Variants in ASTN2 observed in about 807,000 individuals in gnomAD.
The protein encoded by ASTN2 is astrotactin-2.
In ASTN2, 54 loss-of-function variants were observed where a neutral mutation model predicts 139.8. The observed-to-expected ratio is 0.39, with a 90% CI of 0.31 to 0.48. The LOEUF is 0.48. ASTN2 is among the 20% of genes least tolerant of loss of function. ASTN2 has a pLI of 0.95. For missense variants in ASTN2, 1,565 were observed against 1,725.1 expected (o/e 0.91, Z 1.64); for synonymous variants, 756 against 719.5 (o/e 1.05, Z -0.81).
intron 16 of ASTN2, among the ~76,000 whole-genome samples, chr9:116,665,038 CCT>C (rs1047738334): frequency 5.3e-5 from 8 of 152,040 alleles, no homozygotes; most frequent in African/African-American, 9.7e-5. Context: ...GACCTCCCTC[CCT>C]CTCTCTTTCT....
intron 19 of ASTN2, among the ~76,000 whole-genome samples, chr9:116,521,134 C>CACAGA (rs80018689): frequency 0.17 from 25,340 of 151,914 alleles, 2,331 homozygotes; most frequent in African/African-American, 0.24. Flanking sequence ...CACCATTCTT[C>CACAGA]ACAGAACTAG....
chr9:117,005,981 G>T (rs1346011381), intron 7 of ASTN2, among the ~76,000 whole-genome samples: 3 of 152,142 alleles, frequency 2.0e-5, no homozygotes, highest in Non-Finnish European at 4.4e-5. Context: ...CAGACTGATG[G>T]TCAGGCAGGC....
At chr9:116,986,542 A>G (rs967530506) in intron 7 of ASTN2, among the ~76,000 whole-genome samples, 1 of 152,192 alleles carries the variant, frequency 6.6e-6, no homozygotes, top group Admixed American at 6.5e-5. Context: ...ATGGGGGCTC[A>G]CCAGTGAAAA....
intron 19 of ASTN2, among the ~76,000 whole-genome samples, chr9:116,512,262 C>T (rs1727759271): frequency 6.6e-6 from 1 of 152,104 alleles, no homozygotes; most frequent in African/African-American, 2.4e-5. Context: ...GTTATGTACC[C>T]AGTAGTCAGT....
chr9:116,595,712 A>G (rs1854543553), intron 19 of ASTN2, among the ~76,000 whole-genome samples: 2 of 152,152 alleles, frequency 1.3e-5, no homozygotes, highest in African/African-American at 4.8e-5. Flanking sequence ...ACATATGACA[A>G]TAGCATAATT....
intron 16 of ASTN2, chr9:116,697,948 G>T (rs11556350): frequency 6.2e-7 from 1 of 1,614,156 alleles, no homozygotes; most frequent in Non-Finnish European, 8.5e-7. Flanking sequence ...AAGATTACCC[G>T]CATAACCAGC....
intron 19 of ASTN2, among the ~76,000 whole-genome samples, chr9:116,561,423 C>T (rs1444146412): frequency 1.3e-5 from 2 of 152,094 alleles, no homozygotes; most frequent in Non-Finnish European, 2.9e-5. Flanking sequence ...CTCATTTCTC[C>T]ACTATACCAG....
chr9:116,758,153 A>G (rs1183213860), intron 13 of ASTN2, among the ~76,000 whole-genome samples: 5 of 152,228 alleles, frequency 3.3e-5, no homozygotes, highest in Non-Finnish European at 7.3e-5. Context: ...AATAGCATGT[A>G]GAACTTTTAG....
At chr9:117,114,880 G>A (rs149422340) in intron 4 of ASTN2, among the ~76,000 whole-genome samples, 8 of 152,136 alleles carry the variant, frequency 5.3e-5, no homozygotes, top group East Asian at 1.9e-4. Flanking sequence ...AGGCACACCA[G>A]TCAACATCCC....
intron 10 of ASTN2, among the ~76,000 whole-genome samples, chr9:116,873,539 AT>A (rs34264987): frequency 0.4 from 61,081 of 152,064 alleles, 12,375 homozygotes; most frequent in East Asian, 0.53. Flanking sequence ...ACATGGGCTA[AT>A]TATCTACTGA....
chr9:117,270,860 T>C (rs1834047168), intron 2 of ASTN2, among the ~76,000 whole-genome samples: 1 of 152,342 alleles, frequency 6.6e-6, no homozygotes, highest in East Asian at 1.9e-4. Context: ...CTTTTAAAAG[T>C]GATTAACTTT....
In ASTN2 at chr9:117,097,194, G is replaced by A. The variant is rs144936283; in HGVS notation, c.1169-1043C>T. Reference sequence around the variant, plus strand: ...CAGCGAGGATGGGAGGAGGAGATGAGTGCAAAGGGTGCTTCAGAGACAAAC... The same window carrying A: ...CAGCGAGGATGGGAGGAGGAGATGAATGCAAAGGGTGCTTCAGAGACAAAC... On this transcript the variant is annotated intron_variant, in intron 4 of 22. Transcript: ENST00000313400. 1.5e-3 allele frequency among the ~76,000 whole-genome samples: 231 copies of A among 152,308 alleles called. 6 individuals are homozygous for A. In the East Asian group the frequency reaches 0.033, roughly 22 times the overall value.
intron 10 of ASTN2, among the ~76,000 whole-genome samples, chr9:116,876,384 G>A (rs1316540406): frequency 1.3e-5 from 2 of 152,160 alleles, no homozygotes; most frequent in East Asian, 3.8e-4. Flanking sequence ...AACTACTCGT[G>A]GTGAAGATGC....
chr9:116,679,620 G>C (rs145917443), intron 16 of ASTN2, among the ~76,000 whole-genome samples: 6,904 of 152,104 alleles, frequency 0.045, 538 homozygotes, highest in African/African-American at 0.16. Context: ...TGACCACATA[G>C]TTGGAAGTAA....
chr9:117,214,048 C>T (rs1832227952), intron 3 of ASTN2, among the ~76,000 whole-genome samples: 1 of 152,144 alleles, frequency 6.6e-6, no homozygotes, highest in Admixed American at 6.5e-5. Context: ...ATGAGATGGC[C>T]TCTTTTCCGA....
chr9:116,459,695 A>G (rs919607132), intron 20 of ASTN2, among the ~76,000 whole-genome samples: 5 of 152,094 alleles, frequency 3.3e-5, no homozygotes, highest in African/African-American at 1.2e-4. Context: ...TAAAAACCAC[A>G]ATGAGACACC....
chr9:117,147,438 A>AACACACACACACACACATACACACAC (rs1554783150), intron 3 of ASTN2, among the ~76,000 whole-genome samples: 6 of 148,262 alleles, frequency 4.0e-5, no homozygotes, highest in African/African-American at 1.5e-4. Flanking sequence ...TCTGACTCAA[A>AACACACACACACACACATACACACAC]ACACACACAC....
chr9:116,600,323 CAAAAAAAAAAA>C (rs35224783), intron 19 of ASTN2, among the ~76,000 whole-genome samples: 15,491 of 120,324 alleles, frequency 0.13, 1,028 homozygotes, highest in Non-Finnish European at 0.14. Context: ...GACCCTGTCT[CAAAAAAAAAAA>C]AAAAAAAAAA....
chr9:117,251,187 G>A (rs537611157), intron 2 of ASTN2, among the ~76,000 whole-genome samples: 24 of 152,202 alleles, frequency 1.6e-4, no homozygotes, highest in African/African-American at 5.8e-4. Context: ...AGAGATGGAA[G>A]GTCAATCCTC....
Sources: allele counts gnomAD v4.1 joint callset (sites outside exome capture counted in the v4.1 genomes callset), GRCh38; gene constraint gnomAD v4.1.1; transcripts MANE v1.5; gene names NCBI Gene and HGNC (gene_info 2026-07-23, HGNC 2026-07-21).